Variants in FMNL2 observed in about 807,000 individuals in gnomAD.
FMNL2 encodes the protein formin-like protein 2.
A neutral mutation model predicts 130.2 loss-of-function variants in FMNL2; 51 were observed. The observed-to-expected ratio is 0.39, with a 90% confidence interval of 0.31 to 0.49. The LOEUF (loss-of-function observed/expected upper bound fraction) is 0.49, where lower values mean the gene tolerates loss of function less well. Ranked by LOEUF, FMNL2 falls within the 20% of genes least tolerant of loss-of-function variation. The probability of loss-of-function intolerance (pLI) is 0.85; values close to 1 mark genes in which losing one functional copy is unlikely to be tolerated. For missense variants in FMNL2, 977 were observed against 1,316.2 expected, an observed-to-expected ratio of 0.74 and a Z score of 3.99; for synonymous variants, 465 against 467.1, an observed-to-expected ratio of 1.00 and a Z score of 0.06.
rs957063993 is a variant in FMNL2 at position 152,649,633 on chromosome 2, G to A, written c.*1728G>A. Reference sequence around the variant, plus strand: ...AAGCAGCTGTTTTCCAAAGTTCAATGCTGACATATATGTATATTAAAATAA... The same window carrying A: ...AAGCAGCTGTTTTCCAAAGTTCAATACTGACATATATGTATATTAAAATAA... On this transcript the variant is annotated 3_prime_UTR_variant, in exon 26 of 26. Transcript: ENST00000288670. The A allele has an allele frequency of 6.6e-6, 1 of 152,576 alleles. No homozygotes were observed. The highest frequency in any genetic ancestry group is 1.5e-5 in the Non-Finnish European group (1 of 68,034). The allele number at this position is 152,576 out of a possible 1,614,324, so 9.5% of individuals were successfully genotyped here.
At chr2:152,426,086 T>G (rs1687186468) in intron 1 of FMNL2, among the ~76,000 whole-genome samples, 1 of 152,198 alleles carries the variant, frequency 6.6e-6, no homozygotes, top group African/African-American at 2.4e-5. Flanking sequence ...CATTGTGTTA[T>G]ATAAAAATAT....
rs573198786 is a variant in FMNL2, at chr2:152,357,633, A to G, written c.117+21913A>G. 2.8e-4 allele frequency among the ~76,000 whole-genome samples: 42 copies of G among 148,514 alleles called. 1 individual carries two copies. The highest frequency in any genetic ancestry group is 2.4e-3 in the South Asian group (11 of 4,616). ...TTTAATGTATAACGATAAATATTAAATCAGTTTAATGTATAACGATAAATA... is the reference window on the plus strand; with the variant it reads ...TTTAATGTATAACGATAAATATTAAGTCAGTTTAATGTATAACGATAAATA... On this transcript the variant is annotated intron_variant, in intron 1 of 25. Transcript: ENST00000288670.
chr2:152,636,541 A>G lies in FMNL2; in HGVS notation c.2795A>G (p.Asn932Ser), dbSNP rs1211662429. The part of the protein sequence containing the change: ...HNTLLKEFIL[N>S]NEGKLKKLQD... ...ACGCTGCTGAAGGAGTTCATCCTCAACAATGAGGGGAAGCTGAAGAAGCTG... is the reference window on the plus strand; with the variant it reads ...ACGCTGCTGAAGGAGTTCATCCTCAGCAATGAGGGGAAGCTGAAGAAGCTG... Residue 932 changes from asparagine (N) to serine (S), a missense_variant, in exon 22 of 26, where the codon AAC (asparagine) becomes AGC (serine). By Grantham distance (46) the Asn-to-Ser change is conservative. This residue lies in a region of FMNL2 where 689 missense variants were observed against 995.9 expected (regional missense o/e 0.69). Coordinates refer to ENST00000288670, the MANE Select transcript of FMNL2 (RefSeq NM_052905.4). 6.3e-7 allele frequency: 1 copy of G among 1,587,458 alleles called. No individual in the cohort carries two copies. Among genetic ancestry groups the G allele is most frequent in the Non-Finnish European group, 8.6e-7 (1 of 1,165,854 alleles).
At chr2:152,577,986 A>C (rs931064197) in intron 7 of FMNL2, among the ~76,000 whole-genome samples, 1 of 152,100 alleles carries the variant, frequency 6.6e-6, no homozygotes, top group African/African-American at 2.4e-5. Context: ...CAATGAGTCT[A>C]TGGAGAGGGA....
intron 1 of FMNL2, among the ~76,000 whole-genome samples, chr2:152,400,444 CA>C (rs63053361): frequency 0.15 from 22,693 of 150,652 alleles, 2,071 homozygotes; most frequent in African/African-American, 0.24. Flanking sequence ...CTCAAAAAAA[CA>C]AAAAAAATAA....
At chr2:152,523,389 A>G (rs527673763) in intron 2 of FMNL2, among the ~76,000 whole-genome samples, 140 of 152,280 alleles carry the variant, frequency 9.2e-4, no homozygotes, top group African/African-American at 3.2e-3. Context: ...CAGTACTTCA[A>G]TGACATGTGT....
At chr2:152,397,410 G>T (rs532970864) in intron 1 of FMNL2, among the ~76,000 whole-genome samples, 82 of 152,166 alleles carry the variant, frequency 5.4e-4, no homozygotes, top group Non-Finnish European at 3.7e-4. Flanking sequence ...TGAGGTTTTT[G>T]GATGTCAGAA....
intron 9 of FMNL2, among the ~76,000 whole-genome samples, chr2:152,601,303 C>CTTTT (rs10567754): frequency 2.2e-5 from 3 of 134,738 alleles, no homozygotes; most frequent in Admixed American, 7.8e-5. Context: ...TTTCTTTTTT[C>CTTTT]TTTTTTTTTT....
Position 152,607,006 on chromosome 2 carries a change from G to GTTTTTT in FMNL2, c.877-320_877-315dup, listed in dbSNP as rs58237890. ...GAAGCTATGGTCGTTTTTTTTTTTT[G>GTTTTTT]TTTTTTTTTTTTTTTTTTACCATGA... On this transcript the variant is annotated intron_variant, in intron 9 of 25. Transcript: ENST00000288670. Among the ~76,000 whole-genome samples the GTTTTTT allele has an allele frequency of 4.0e-4, 34 of 84,878 alleles. No individual in the cohort carries two copies. In the South Asian group the frequency reaches 6.5e-3, roughly 16 times the overall value. The allele number at this position is 84,878 out of a possible 152,430, so 55.7% of individuals were successfully genotyped here.
intron 2 of FMNL2, among the ~76,000 whole-genome samples, chr2:152,531,067 C>A (rs2577187): frequency 0.92 from 139,333 of 152,228 alleles, 63,920 homozygotes; most frequent in Admixed American, 0.96. Flanking sequence ...TAGAAATATC[C>A]TTATACAGAT....
Position 152,497,512 on chromosome 2 carries a change from A to G in FMNL2, c.118-24431A>G, listed in dbSNP as rs1434601814. The stretch of plus-strand genomic sequence containing the variant: ...GTTCTAAGACTTATAAATACATGAA[A>G]AGTATGCTCAGAAGGTGTCATTTCT... On this transcript the variant is annotated intron_variant, in intron 1 of 25. Coordinates refer to ENST00000288670, the MANE Select transcript of FMNL2 (RefSeq NM_052905.4). Among the ~76,000 whole-genome samples, 5 of 152,296 alleles carry G rather than the reference A, an allele frequency of 3.3e-5. No homozygotes were observed. In the East Asian group the frequency reaches 9.6e-4, roughly 29 times the overall value.
At chr2:152,479,093 A>G (rs1690331680) in intron 1 of FMNL2, among the ~76,000 whole-genome samples, 1 of 152,156 alleles carries the variant, frequency 6.6e-6, no homozygotes, top group East Asian at 1.9e-4. Flanking sequence ...TCCCACTCCA[A>G]GTTTTCAAGA....
intron 1 of FMNL2, among the ~76,000 whole-genome samples, chr2:152,397,008 A>G (rs1433393503): frequency 6.6e-6 from 1 of 152,152 alleles, no homozygotes; most frequent in Non-Finnish European, 1.5e-5. Flanking sequence ...TAAATATGTT[A>G]TTTCTGTGGC....
At chr2:152,534,682 C>A (rs1031026885) in intron 2 of FMNL2, among the ~76,000 whole-genome samples, 1 of 147,468 alleles carries the variant, frequency 6.8e-6, no homozygotes, top group East Asian at 2.0e-4. Context: ...TCTGTACTTT[C>A]TTTTTGTTTG....
At chr2:152,521,492 A>G (rs1038765897) in intron 1 of FMNL2, among the ~76,000 whole-genome samples, 9 of 151,756 alleles carry the variant, frequency 5.9e-5, no homozygotes, top group Admixed American at 4.6e-4. Flanking sequence ...TTTTTTTTTA[A>G]TTCTTTTCCT....
intron 12 of FMNL2, among the ~76,000 whole-genome samples, chr2:152,615,415 G>C (rs1698896181): frequency 6.6e-6 from 1 of 152,182 alleles, no homozygotes; most frequent in South Asian, 2.1e-4. Context: ...TGGTGTCTCT[G>C]TGATGCATGT....
intron 3 of FMNL2, among the ~76,000 whole-genome samples, chr2:152,543,698 C>T (rs1026967026): frequency 7.0e-6 from 1 of 143,808 alleles, no homozygotes; most frequent in African/African-American, 2.6e-5. Context: ...TCTACTCTAA[C>T]TCTTCCTCCC....
intron 1 of FMNL2, among the ~76,000 whole-genome samples, chr2:152,361,054 A>G (rs10931067): frequency 0.76 from 116,264 of 152,128 alleles, 45,589 homozygotes; most frequent in Admixed American, 0.86. Flanking sequence ...AGACTCAAGA[A>G]GATACTGAGA....
rs748078042 is a variant in FMNL2 at position 152,345,841 on chromosome 2, TC to T, written c.117+10123del. On this transcript the variant is annotated intron_variant, in intron 1 of 25. Coordinates refer to ENST00000288670, the MANE Select transcript of FMNL2 (RefSeq NM_052905.4). ...TGGCCTCCTGGGCTTGTGCAGCCCT[TC>T]CTCTTGCCAGTGTTTACACCCTCCA... Among the ~76,000 whole-genome samples, 93 of 152,336 alleles carry T rather than the reference TC, an allele frequency of 6.1e-4. 1 individual carries two copies. The highest frequency in any genetic ancestry group is 3.4e-3 in the Middle Eastern group (1 of 294).
Sources: gnomAD v4.1 joint callset for allele counts (sites outside exome capture counted in the v4.1 genomes callset) on GRCh38, gnomAD v4.1.1 for gene constraint, gnomAD v4.1.1 regional missense constraint, MANE v1.5 for transcripts, NCBI Gene and HGNC (gene_info 2026-07-23, HGNC 2026-07-21) for gene names.